The following IGSF10 variants were observed in gnomAD, a reference collection of about 807,000 sequenced individuals.
The protein encoded by IGSF10 is immunoglobulin superfamily member 10.
A neutral mutation model predicts 128.2 loss-of-function variants in IGSF10; 126 were observed. The ratio of observed to expected loss-of-function variants is 0.98; its 90% confidence interval spans 0.85 to 1.14. The LOEUF (loss-of-function observed/expected upper bound fraction) is 1.14, where lower values mean the gene tolerates loss of function less well. Among genes scored for constraint, IGSF10 ranks in the 50% most tolerant of loss-of-function variants. IGSF10 has a pLI of 0.00. For missense variants in IGSF10, 3,295 were observed against 3,149.8 expected (o/e 1.05, Z -1.10); for synonymous variants, 1,185 against 1,146.2 (o/e 1.03, Z -0.68).
chr3:151,618,752 A>G, the IGSF10 span, among the ~76,000 whole-genome samples: 5 of 150,432 alleles, frequency 3.3e-5, no homozygotes, highest in African/African-American at 4.9e-5. Flanking sequence ...AAAATAAAAA[A>G]TAAATAAATA....
chr3:151,439,083 C>T (rs925256431), intron 7 of IGSF10, among the ~76,000 whole-genome samples: 9 of 152,118 alleles, frequency 5.9e-5, no homozygotes, highest in Admixed American at 1.3e-4. Flanking sequence ...AATGAATCTC[C>T]GTTACATAGT....
At position 151,437,623 on chromosome 3, in the gene IGSF10, CAGAT is replaced by C. The variant is rs764073002; in HGVS notation, c.6934_6937del (p.Ile2312ValfsTer13). 2 of 1,614,072 alleles carry C rather than the reference CAGAT, an allele frequency of 1.2e-6. No homozygotes were observed. The highest frequency in any genetic ancestry group is 3.3e-5 in the Admixed American group (2 of 60,000). ...CTCTCCACCTTCATTTCGGGCCACA[CAGAT>C]AAAGTCGGCTGAATCTGAAAGCCTC... On this transcript the variant is annotated frameshift_variant, in exon 8 of 8. Transcript: ENST00000282466. LOFTEE classifies it low-confidence loss of function (END_TRUNC).
chr3:151,468,754 G>A, the IGSF10 span, among the ~76,000 whole-genome samples: 5 of 152,132 alleles, frequency 3.3e-5, no homozygotes, highest in Admixed American at 6.5e-5. Flanking sequence ...TTTATTTTAC[G>A]TTCCAGGATA....
chr3:151,537,296 T>G, the IGSF10 span, among the ~76,000 whole-genome samples: 1 of 152,212 alleles, frequency 6.6e-6, no homozygotes, highest in Non-Finnish European at 1.5e-5. Flanking sequence ...CTTGGGTTAC[T>G]TTCTCTCAAA....
chr3:151,443,134 A>C lies in IGSF10; in HGVS notation c.5813T>G (p.Val1938Gly), dbSNP rs759921938. Residue 1938 changes from valine to glycine, a missense_variant, in exon 7 of 8, where the codon GTG becomes GGG. Transcript: ENST00000282466. ...RVVMLTMEERVTSPRIEAASQ... is the reference protein window; with the variant it reads ...RVVMLTMEERGTSPRIEAASQ... The stretch of plus-strand genomic sequence containing the variant: ...TGCAGCTTCTATCCTGGGGCTGGTC[A>C]CTCGCTCTTCCATTGTAAGCATTAC... The C allele has an allele frequency of 6.2e-7, 1 of 1,613,964 alleles. No individual in the cohort carries two copies. Among genetic ancestry groups the C allele is most frequent in the Non-Finnish European group, 8.5e-7 (1 of 1,180,024 alleles).
chr3:151,605,792 A>T, the IGSF10 span, among the ~76,000 whole-genome samples: 9 of 152,172 alleles, frequency 5.9e-5, no homozygotes, highest in African/African-American at 2.2e-4. Flanking sequence ...TGGACAGATA[A>T]CCAGCTTATT....
the IGSF10 span, among the ~76,000 whole-genome samples, chr3:151,602,738 T>G: frequency 6.6e-6 from 1 of 152,120 alleles, no homozygotes; most frequent in Non-Finnish European, 1.5e-5. Flanking sequence ...CATACTTCAT[T>G]TTCCCATCTT....
At chr3:151,537,675 A>G in the IGSF10 span, among the ~76,000 whole-genome samples, 1 of 152,206 alleles carries the variant, frequency 6.6e-6, no homozygotes, top group African/African-American at 2.4e-5. Flanking sequence ...AAGGCATTCT[A>G]ACTTTAGTCA....
At position 151,445,195 on chromosome 3, in the gene IGSF10, C is replaced by T; in HGVS notation, c.4786G>A (p.Ala1596Thr). 1 of 1,614,216 alleles carries T rather than the reference C, an allele frequency of 6.2e-7. No individual in the cohort carries two copies. Among genetic ancestry groups the T allele is most frequent in the Non-Finnish European group, 8.5e-7 (1 of 1,180,048 alleles). Reference protein sequence around the residue: ...KGKKPEVSMLATTGLSEATTL... With the variant: ...KGKKPEVSMLTTTGLSEATTL... Reference sequence around the variant, plus strand: ...GTGGCCTCGGACAGGCCTGTAGTAGCCAACATGCTTACTTCTGGCTTTTTG... The same window carrying T: ...GTGGCCTCGGACAGGCCTGTAGTAGTCAACATGCTTACTTCTGGCTTTTTG... Residue 1596 changes from alanine to threonine, a missense_variant, in exon 6 of 8, where the codon GCT becomes ACT. Physicochemically the swap from Ala to Thr is moderately conservative, Grantham distance 58. Coordinates refer to ENST00000282466, the MANE Select transcript of IGSF10 (RefSeq NM_178822.5).
At chr3:151,544,717 G>A in the IGSF10 span, among the ~76,000 whole-genome samples, 5 of 149,946 alleles carry the variant, frequency 3.3e-5, no homozygotes, top group South Asian at 2.1e-4. Flanking sequence ...AATGCCCTGG[G>A]GTTTGAAATG....
chr3:151,516,389 T>C, the IGSF10 span, among the ~76,000 whole-genome samples: 70,633 of 151,808 alleles, frequency 0.47, 16,789 homozygotes, highest in South Asian at 0.58. Flanking sequence ...CTATGAACAA[T>C]AGAGGTGAAA....
intron 5 of IGSF10, among the ~76,000 whole-genome samples, chr3:151,452,888 C>T (rs1721575901): frequency 6.6e-6 from 1 of 151,890 alleles, no homozygotes; most frequent in African/African-American, 2.4e-5. Context: ...TGAGAACCAT[C>T]AAGCAGAAAA....
In IGSF10 at chr3:151,457,936, T is replaced by C. The variant is rs550787037; in HGVS notation, c.194+580A>G. Among the ~76,000 whole-genome samples, 10 of 152,340 alleles carry C rather than the reference T, an allele frequency of 6.6e-5. No homozygotes were observed. The East Asian group carries it at 1.7e-3, about 26-fold the overall frequency. On this transcript the variant is annotated intron_variant, in intron 3 of 7. Coordinates refer to ENST00000282466, the MANE Select transcript of IGSF10 (RefSeq NM_178822.5). ...TTACCATTGTATCCCCAGTGCATAG[T>C]ACATGCTCACTAATGTCAAATAAAC... is the stretch of plus-strand genomic sequence containing the variant.
chr3:151,552,857 T>C, the IGSF10 span, among the ~76,000 whole-genome samples: 1 of 152,144 alleles, frequency 6.6e-6, no homozygotes, highest in African/African-American at 2.4e-5. Flanking sequence ...TTAGTCATGA[T>C]AGGCCTTCTT....
the IGSF10 span, among the ~76,000 whole-genome samples, chr3:151,601,651 G>A: frequency 2.0e-5 from 3 of 152,304 alleles, no homozygotes; most frequent in Admixed American, 2.0e-4. Flanking sequence ...CCAAAGTAAA[G>A]TTCCTCAGAG....
chr3:151,521,573 A>G, the IGSF10 span, among the ~76,000 whole-genome samples: 1 of 152,058 alleles, frequency 6.6e-6, no homozygotes, highest in South Asian at 2.1e-4. Flanking sequence ...AAACCACGCA[A>G]TTACATGGAA....
chr3:151,445,006 T>G lies in IGSF10; in HGVS notation c.4975A>C (p.Thr1659Pro). The G allele has an allele frequency of 1.2e-6, 2 of 1,614,170 alleles. No homozygotes were observed. The highest frequency in any genetic ancestry group is 4.5e-5 in the East Asian group (2 of 44,886). The stretch of plus-strand genomic sequence containing the variant: ...AAGGCATCTGAGTTAGCTGGAATAG[T>G]AAAACTTGCAGCTTTTCCTCCAACT... ...RIVGGKAASF[T>P]IPANSDAFLP... Residue 1659 changes from threonine (T) to proline (P), a missense_variant, in exon 6 of 8, where the codon ACT (threonine) becomes CCT (proline). By Grantham distance (38) the Thr-to-Pro change is conservative. Transcript: ENST00000282466.
the IGSF10 span, among the ~76,000 whole-genome samples, chr3:151,581,724 T>C: frequency 6.6e-6 from 1 of 152,244 alleles, no homozygotes; most frequent in African/African-American, 2.4e-5. Context: ...AGTTTATAGC[T>C]TCTTTCAATT....
Position 151,453,727 on chromosome 3 carries a change from A to G in IGSF10, c.372T>C (p.Thr124=). 1 of 1,596,498 alleles carries G rather than the reference A, an allele frequency of 6.3e-7. No homozygotes were observed. Among genetic ancestry groups the G allele is most frequent in the Non-Finnish European group, 8.5e-7 (1 of 1,170,898 alleles). Residue 124 remains threonine (T), a synonymous_variant, in exon 5 of 8, where the codon ACT becomes ACC. Coordinates refer to ENST00000282466, the MANE Select transcript of IGSF10 (RefSeq NM_178822.5). ...YNKVRKLQKD[T]FYGLRSLTRL... Reference sequence around the variant, plus strand: ...GTGTCAAGCTCCTGAGGCCATAAAAAGTATCTTTCTGAAGTTTTCGGACTT... The same window carrying G: ...GTGTCAAGCTCCTGAGGCCATAAAAGGTATCTTTCTGAAGTTTTCGGACTT...
Sources: allele counts gnomAD v4.1 joint callset (sites outside exome capture counted in the v4.1 genomes callset), GRCh38; gene constraint gnomAD v4.1.1; transcripts MANE v1.5; gene names NCBI Gene and HGNC (gene_info 2026-07-23, HGNC 2026-07-21).